SAMD15: variants seen among roughly 807,000 people sequenced by gnomAD.
SAMD15 encodes sterile alpha motif domain-containing protein 15.
SAMD15 carries 37 observed loss-of-function variants against 50.5 expected under a neutral mutation model. The observed-to-expected ratio is 0.73, with a 90% CI of 0.56 to 0.96. The LOEUF (loss-of-function observed/expected upper bound fraction) is 0.96, where lower values mean the gene tolerates loss of function less well. Among genes scored for constraint, SAMD15 ranks in the 40% least tolerant of loss-of-function variants. The pLI is 0.00. For synonymous variants in SAMD15, 255 were observed against 282.8 expected, an observed-to-expected ratio of 0.90 and a Z score of 0.99; for missense variants, 789 against 783.8, an observed-to-expected ratio of 1.01 and a Z score of -0.08.
In SAMD15 at chr14:77,380,499, T is replaced by C. The variant is rs1164383408; in HGVS notation, c.1788+18T>C. 3.8e-6 allele frequency: 6 copies of C among 1,559,652 alleles called. No homozygotes were observed. The highest frequency in any genetic ancestry group is 4.4e-6 in the Non-Finnish European group (5 of 1,130,560). ...ACATGAAGGTGAGTTGTGTCCAAAG[T>C]TTCCCTACAGAGCACTGTTAACAGT... On this transcript the variant is annotated intron_variant, in intron 2 of 2. Coordinates refer to ENST00000216471, the MANE Select transcript of SAMD15 (RefSeq NM_001010860.4).
intron 2 of SAMD15, among the ~76,000 whole-genome samples, chr14:77,385,956 T>TCCCGGGTAGCTGGGA (rs1437849955): frequency 4.6e-5 from 7 of 150,764 alleles, no homozygotes; most frequent in Non-Finnish European, 1.0e-4. Flanking sequence ...CAAATAATCC[T>TCCCGGGTAGCTGGGA]CCCACTTCAG....
intron 2 of SAMD15, among the ~76,000 whole-genome samples, chr14:77,383,053 T>C (rs978375214): frequency 2.0e-5 from 3 of 152,208 alleles, no homozygotes; most frequent in Non-Finnish European, 4.4e-5. Context: ...ATGCCCTCAC[T>C]TAACTACCAA....
At chr14:77,386,299 T>C (rs1008552298) in intron 2 of SAMD15, among the ~76,000 whole-genome samples, 4 of 152,184 alleles carry the variant, frequency 2.6e-5, no homozygotes, top group African/African-American at 9.7e-5. Context: ...AGAATTTCCC[T>C]TTGCAGTCAG....
At position 77,377,394 on chromosome 14, in the gene SAMD15, C is replaced by T; in HGVS notation, c.-25C>T. 6.4e-7 allele frequency: 1 copy of T among 1,571,090 alleles called. No individual in the cohort carries two copies. The highest frequency in any genetic ancestry group is 8.6e-7 in the Non-Finnish European group (1 of 1,159,790). On this transcript the variant is annotated 5_prime_UTR_variant, in exon 1 of 3. Transcript: ENST00000216471. The stretch of plus-strand genomic sequence containing the variant: ...ATCGGAAGTTGGGGTTGCTAGGAAG[C>T]CGCGGCGCGTCTGCTAAGCTGCAAA...
rs1220550859 is a variant in SAMD15, at chr14:77,378,119, A to G, written c.701A>G (p.Lys234Arg). 4.3e-6 allele frequency: 7 copies of G among 1,613,808 alleles called. No homozygotes were observed. The Admixed American group carries it at 1.2e-4, about 27-fold the overall frequency. ...SLEETDLQPP[K>R]MTKPETPEET... ...GAAGAGACAGATCTTCAGCCACCAAAGATGACCAAACCAGAGACTCCAGAG... is the reference window on the plus strand; with the variant it reads ...GAAGAGACAGATCTTCAGCCACCAAGGATGACCAAACCAGAGACTCCAGAG... The change falls in exon 1 of 3, where the codon AAG becomes AGG. Residue 234 changes from lysine (K) to arginine (R), a missense_variant. Coordinates refer to ENST00000216471, the MANE Select transcript of SAMD15 (RefSeq NM_001010860.4).
At position 77,379,086 on chromosome 14, in the gene SAMD15, G is replaced by C; in HGVS notation, c.1668G>C (p.Gln556His). 1 of 1,613,252 alleles carries C rather than the reference G, an allele frequency of 6.2e-7. No homozygotes were observed. Among genetic ancestry groups the C allele is most frequent in the Non-Finnish European group, 8.5e-7 (1 of 1,179,502 alleles). The change falls in exon 1 of 3, where the codon CAG becomes CAC. Residue 556 changes from glutamine (Q) to histidine (H), a missense_variant. This residue lies in a region of SAMD15 where 770 missense variants were observed against 745.4 expected (regional missense o/e 1.03). Transcript: ENST00000216471. ...AGGAAGTTGCAGAGTGGATTAGCCAGCTAGGCTTCCCTCAATACAAGGTAT... is the reference window on the plus strand; with the variant it reads ...AGGAAGTTGCAGAGTGGATTAGCCACCTAGGCTTCCCTCAATACAAGGTAT... ...DPEEVAEWIS[Q>H]LGFPQYKECF...
At chr14:77,380,677 C>T (rs1893934038) in intron 2 of SAMD15, among the ~76,000 whole-genome samples, 196 bp downstream of exon 2, 1 of 152,094 alleles carries the variant, frequency 6.6e-6, no homozygotes, top group Non-Finnish European at 1.5e-5. Context: ...CTGTCCATTG[C>T]TCCTGTGGCA....
In SAMD15 at chr14:77,391,115, A is replaced by G; in HGVS notation, c.1896A>G (p.Lys632=). 1 of 1,613,666 alleles carries G rather than the reference A, an allele frequency of 6.2e-7. No individual in the cohort carries two copies. Among genetic ancestry groups the G allele is most frequent in the East Asian group, 2.2e-5 (1 of 44,876 alleles). Residue 632 remains lysine, a synonymous_variant, in exon 3 of 3, where the codon AAA becomes AAG. Transcript: ENST00000216471. ...TTATCGGCTTATATTTAGAGCAAAA[A>G]GGTCATACTGGGATAAAATCTGATT... ...RDIIGLYLEQ[K]GHTGIKSDSL...
chr14:77,383,123 G>C (rs1893965398), intron 2 of SAMD15, among the ~76,000 whole-genome samples: 1 of 152,184 alleles, frequency 6.6e-6, no homozygotes, highest in Admixed American at 6.5e-5. Flanking sequence ...CTGTTTTTAT[G>C]AACTCTAATT....
At chr14:77,387,206 G>A (rs1014387234) in intron 2 of SAMD15, among the ~76,000 whole-genome samples, 2 of 152,142 alleles carry the variant, frequency 1.3e-5, no homozygotes, top group South Asian at 2.1e-4. Flanking sequence ...GCTGAGGTAG[G>A]AGGATCGCTT....
At chr14:77,390,137 A>G (rs1894054387) in intron 2 of SAMD15, among the ~76,000 whole-genome samples, 1 of 151,958 alleles carries the variant, frequency 6.6e-6, no homozygotes, top group South Asian at 2.1e-4. Context: ...CTGGGATCAC[A>G]GGCGTCTGCC....
chr14:77,382,833 A>G (rs2139650549), intron 2 of SAMD15, among the ~76,000 whole-genome samples: 1 of 152,138 alleles, frequency 6.6e-6, no homozygotes, highest in South Asian at 2.1e-4. Flanking sequence ...CTCCTGCCTC[A>G]GCCTCCCAAG....
intron 2 of SAMD15, among the ~76,000 whole-genome samples, chr14:77,382,009 C>G (rs1017721659): frequency 2.6e-5 from 4 of 152,132 alleles, no homozygotes; most frequent in Non-Finnish European, 5.9e-5. Context: ...GTAACCTTGG[C>G]TCACTTCAAC....
chr14:77,381,928 G>GT (rs1427979673), intron 2 of SAMD15, among the ~76,000 whole-genome samples: 3 of 151,906 alleles, frequency 2.0e-5, no homozygotes, highest in Non-Finnish European at 4.4e-5. Flanking sequence ...CGTTTTTTCT[G>GT]TTTTTTGTCT....
At chr14:77,382,713 ATTTAT>A (rs1475050075) in intron 2 of SAMD15, among the ~76,000 whole-genome samples, 1 of 149,936 alleles carries the variant, frequency 6.7e-6, no homozygotes, top group African/African-American at 2.5e-5. Context: ...ATGATCCTTT[ATTTAT>A]TTTATTTATT....
chr14:77,390,918 A>G, intron 2 of SAMD15, 90 bp from the exon 3 acceptor site: 1 of 809,934 alleles, frequency 1.2e-6, no homozygotes, highest in Middle Eastern at 2.4e-4. Context: ...AGGAGTTAAT[A>G]TTCAAGAGGC....
chr14:77,379,962 A>G (rs1474571519), intron 1 of SAMD15, among the ~76,000 whole-genome samples: 1 of 152,200 alleles, frequency 6.6e-6, no homozygotes, highest in Non-Finnish European at 1.5e-5. Flanking sequence ...CTACCACAAA[A>G]CAATACAAGA....
At position 77,378,291 on chromosome 14, in the gene SAMD15, G is replaced by A; in HGVS notation, c.873G>A (p.Glu291=). ...AGACTCAACCAGAGGTTCCAGAGGA[G>A]ATGCAAAGAAAGGCAACTGAGGAGA... The part of the protein sequence containing the change: ...PEETQPEVPE[E]MQRKATEEKG... Residue 291 remains glutamate (E), a synonymous_variant, in exon 1 of 3, where the codon GAG becomes GAA. Coordinates refer to ENST00000216471, the MANE Select transcript of SAMD15 (RefSeq NM_001010860.4). 1 of 1,612,504 alleles carries A rather than the reference G, an allele frequency of 6.2e-7. No individual in the cohort carries two copies. The highest frequency in any genetic ancestry group is 8.5e-7 in the Non-Finnish European group (1 of 1,179,676).
At position 77,390,989 on chromosome 14, in the gene SAMD15, A is replaced by G. The variant is rs1291675624; in HGVS notation, c.1789-19A>G. The G allele has an allele frequency of 2.0e-6, 3 of 1,521,856 alleles. No homozygotes were observed. Among genetic ancestry groups the G allele is most frequent in the South Asian group, 2.3e-5 (2 of 86,320 alleles). The allele number at this position is 1,521,856 out of a possible 1,614,324, so 94.3% of individuals were successfully genotyped here. On this transcript the variant is annotated intron_variant, in intron 2 of 2. Transcript: ENST00000216471. Reference sequence around the variant, plus strand: ...TGTTTTCAGGTTAGTCTAATTAAAAATTTATCCTTGCGTTTCAGGCAATTT... The same window carrying G: ...TGTTTTCAGGTTAGTCTAATTAAAAGTTTATCCTTGCGTTTCAGGCAATTT...
Sources: allele counts gnomAD v4.1 joint callset (sites outside exome capture counted in the v4.1 genomes callset), GRCh38; gene constraint gnomAD v4.1.1; regional missense constraint gnomAD v4.1.1; transcripts MANE v1.5; gene names NCBI Gene and HGNC (gene_info 2026-07-23, HGNC 2026-07-21).